NYAP2: variants seen among roughly 807,000 people sequenced by gnomAD.
NYAP2 encodes neuronal tyrosine-phosphorylated phosphoinositide-3-kinase adapter 2.
Under a neutral mutation model 50.4 loss-of-function variants are expected in NYAP2, and 23 were observed. The ratio of observed to expected loss-of-function variants is 0.46; its 90% confidence interval spans 0.33 to 0.65. The LOEUF (loss-of-function observed/expected upper bound fraction) is 0.65. Among genes scored for constraint, NYAP2 ranks in the 30% least tolerant of loss-of-function variants. NYAP2 has a pLI of 0.02. For synonymous variants in NYAP2, 394 were observed against 365.2 expected, an observed-to-expected ratio of 1.08 and a Z score of -0.90; for missense variants, 885 against 861.0, an observed-to-expected ratio of 1.03 and a Z score of -0.35.
intron 3 of NYAP2, among the ~76,000 whole-genome samples, chr2:225,473,298 A>G (rs945987598): frequency 6.6e-6 from 1 of 152,162 alleles, no homozygotes; most frequent in Non-Finnish European, 1.5e-5. Context: ...TAGCAGCATG[A>G]TTTATAATCC....
the NYAP2 span, among the ~76,000 whole-genome samples, chr2:225,662,546 A>T: frequency 6.6e-6 from 1 of 152,236 alleles, no homozygotes; most frequent in Admixed American, 6.5e-5. Context: ...GGAGGGGGGA[A>T]CCCCAACTGT....
intron 3 of NYAP2, among the ~76,000 whole-genome samples, chr2:225,473,494 C>T (rs1347593975): frequency 1.3e-5 from 2 of 152,148 alleles, no homozygotes; most frequent in Admixed American, 6.6e-5. Flanking sequence ...TTTTAATGAT[C>T]ACCATTCTAA....
In NYAP2 at chr2:225,433,097, A is replaced by T. The variant is rs115035151; in HGVS notation, c.221+23996A>T. On this transcript the variant is annotated intron_variant, in intron 3 of 6. Coordinates refer to ENST00000636099, the Ensembl canonical transcript of NYAP2. ...ATTATTGGTTCGAAAATACTTTTTT[A>T]AAAAAACCTATAAAATGTAATGTAA... Among the ~76,000 whole-genome samples the T allele has an allele frequency of 6.2e-3, 938 of 152,280 alleles. 11 individuals are homozygous for T. The highest frequency in any genetic ancestry group is 0.021 in the African/African-American group (875 of 41,560).
At chr2:225,616,674 C>T (rs546722856) in intron 5 of NYAP2, among the ~76,000 whole-genome samples, 1 of 152,216 alleles carries the variant, frequency 6.6e-6, no homozygotes, top group Admixed American at 6.5e-5. Flanking sequence ...AGAATTGAGC[C>T]AAGGTTTCCC....
intron 3 of NYAP2, among the ~76,000 whole-genome samples, chr2:225,510,828 G>A (rs1010996745): frequency 6.6e-6 from 1 of 151,802 alleles, no homozygotes; most frequent in African/African-American, 2.4e-5. Flanking sequence ...ATGAACCAAA[G>A]CAGATAGAGT....
At chr2:225,540,797 A>G (rs1174135192) in intron 4 of NYAP2, among the ~76,000 whole-genome samples, 2 of 152,196 alleles carry the variant, frequency 1.3e-5, no homozygotes, top group Admixed American at 6.5e-5. Context: ...TTTTGGATAT[A>G]TACTTAGTTG....
downstream of NYAP2, among the ~76,000 whole-genome samples, chr2:225,655,944 A>AC (rs1693818637): frequency 5.3e-5 from 8 of 151,632 alleles, no homozygotes; most frequent in South Asian, 1.7e-3. Flanking sequence ...ACATACACAC[A>AC]CACACACACC....
chr2:225,687,831 G>A, the NYAP2 span, among the ~76,000 whole-genome samples: 1 of 152,166 alleles, frequency 6.6e-6, no homozygotes, highest in East Asian at 1.9e-4. Flanking sequence ...GGAAAGGTCA[G>A]ATCTTGAGAG....
intron 5 of NYAP2, among the ~76,000 whole-genome samples, chr2:225,612,724 C>T (rs1298228280): frequency 2.9e-5 from 2 of 69,074 alleles, no homozygotes; most frequent in African/African-American, 8.2e-5. Flanking sequence ...TATAAAGGCA[C>T]TAATCCCGTC....
At chr2:225,481,141 T>TA (rs1690200513) in intron 3 of NYAP2, among the ~76,000 whole-genome samples, 1 of 151,940 alleles carries the variant, frequency 6.6e-6, no homozygotes, top group Non-Finnish European at 1.5e-5. Flanking sequence ...TTTCTTTCTT[T>TA]AAAAAACCTT....
At chr2:225,494,333 G>C (rs1690463259) in intron 3 of NYAP2, among the ~76,000 whole-genome samples, 1 of 152,136 alleles carries the variant, frequency 6.6e-6, no homozygotes, top group Non-Finnish European at 1.5e-5. Flanking sequence ...CCTCTGCAGG[G>C]AAATGGGAAG....
the NYAP2 span, among the ~76,000 whole-genome samples, chr2:225,684,228 A>AT: frequency 1.3e-5 from 2 of 152,038 alleles, no homozygotes; most frequent in Admixed American, 1.3e-4. Context: ...TATGGCAAAT[A>AT]TTTTTTTCTG....
chr2:225,551,906 G>A (rs776912616), intron 4 of NYAP2, among the ~76,000 whole-genome samples: 6 of 152,076 alleles, frequency 3.9e-5, no homozygotes, highest in Admixed American at 6.6e-5. Flanking sequence ...TCCGCCTCCC[G>A]GGTTCAAGCA....
the NYAP2 span, among the ~76,000 whole-genome samples, chr2:225,664,640 G>T: frequency 6.6e-6 from 1 of 152,006 alleles, no homozygotes; most frequent in South Asian, 2.1e-4. Flanking sequence ...AGGCAGAGGT[G>T]GTTGGATCAC....
intron 3 of NYAP2, among the ~76,000 whole-genome samples, chr2:225,442,000 G>T (rs1689477867): frequency 6.6e-6 from 1 of 152,122 alleles, no homozygotes; most frequent in Non-Finnish European, 1.5e-5. Context: ...ATTAATAACA[G>T]AAGCCAAAAT....
rs542847176 is a variant in NYAP2, at chr2:225,402,065, C to A, written c.-18+1022C>A. ...ACACAAATTAATGAGAAAATGTGGT[C>A]CACAAATGCAGAAATTATTTTGTTT... is the stretch of plus-strand genomic sequence containing the variant. On this transcript the variant is annotated intron_variant, in intron 2 of 6. Coordinates refer to ENST00000636099, the Ensembl canonical transcript of NYAP2. Among the ~76,000 whole-genome samples the A allele has an allele frequency of 2.6e-5, 4 of 151,974 alleles. No homozygotes were observed. The South Asian group carries it at 6.3e-4, about 24-fold the overall frequency.
chr2:225,533,962 C>T (rs925603285), intron 4 of NYAP2, among the ~76,000 whole-genome samples: 1 of 151,978 alleles, frequency 6.6e-6, no homozygotes, highest in Non-Finnish European at 1.5e-5. Context: ...ATGTTTCTAA[C>T]CAAAATTTAC....
intron 6 of NYAP2, among the ~76,000 whole-genome samples, chr2:225,634,383 G>A (rs571572967): frequency 9.2e-5 from 14 of 152,208 alleles, no homozygotes; most frequent in Admixed American, 6.5e-4. Context: ...CTAAAGACTA[G>A]GAGGACCATA....
chr2:225,473,503 A>C (rs544907178), intron 3 of NYAP2, among the ~76,000 whole-genome samples: 1 of 152,254 alleles, frequency 6.6e-6, no homozygotes, highest in South Asian at 2.1e-4. Context: ...TCACCATTCT[A>C]ACTGGTGTGA....
Sources: gnomAD v4.1 joint callset for allele counts (sites outside exome capture counted in the v4.1 genomes callset) on GRCh38, gnomAD v4.1.1 for gene constraint, MANE v1.5 for transcripts, NCBI Gene and HGNC (gene_info 2026-07-23, HGNC 2026-07-21) for gene names.